Variants in MECOM observed in about 807,000 individuals in gnomAD.
MECOM encodes the protein histone-lysine N-methyltransferase MECOM.
A neutral mutation model predicts 116.3 loss-of-function variants in MECOM; 13 were observed. The ratio of observed to expected loss-of-function variants is 0.11; its 90% CI spans 0.07 to 0.18. MECOM has a LOEUF of 0.18. Ranked by LOEUF, MECOM falls within the 10% of genes least tolerant of loss-of-function variation. The probability of loss-of-function intolerance (pLI) is 1.00; values close to 1 mark genes in which losing one functional copy is unlikely to be tolerated. For missense variants in MECOM, 1,299 were observed against 1,509.0 expected (o/e 0.86, Z 2.31); for synonymous variants, 528 against 535.2 (o/e 0.99, Z 0.19).
chr3:169,649,409 C>CAAAAA (rs71634436), intron 1 of MECOM, among the ~76,000 whole-genome samples: 5,325 of 74,166 alleles, frequency 0.072, 338 homozygotes, highest in African/African-American at 0.1. Flanking sequence ...AACTCCATCT[C>CAAAAA]AAAAAAAAAA....
intron 1 of MECOM, among the ~76,000 whole-genome samples, chr3:169,561,778 T>C (rs1427232922): frequency 6.6e-6 from 1 of 152,184 alleles, no homozygotes; most frequent in African/African-American, 2.4e-5. Flanking sequence ...ACTGAATGCG[T>C]ATTTGCAGAT....
rs148922198 is a variant in MECOM, at chr3:169,604,221, ATCTC to A, written c.37+59111_37+59114del. Among the ~76,000 whole-genome samples the A allele has an allele frequency of 6.7e-3, 987 of 146,726 alleles. 9 individuals are homozygous for A. The highest frequency in any genetic ancestry group is 0.023 in the African/African-American group (915 of 40,118). On this transcript the variant is annotated intron_variant, in intron 1 of 16. Transcript: ENST00000651503. ...ATTTAAATATACAAAAGAGAGAGAA[ATCTC>A]TCTCTCTCTCTCTCTCCCTCCCTCC...
chr3:169,249,800 T>C (rs1257914528), intron 2 of MECOM, among the ~76,000 whole-genome samples: 1 of 152,148 alleles, frequency 6.6e-6, no homozygotes, highest in Non-Finnish European at 1.5e-5. Flanking sequence ...ATCCAAAAGG[T>C]GGCCCTCAGG....
intron 3 of MECOM, among the ~76,000 whole-genome samples, chr3:169,132,616 G>A (rs1209700622): frequency 6.6e-6 from 1 of 152,020 alleles, no homozygotes; most frequent in Non-Finnish European, 1.5e-5. Flanking sequence ...CAGTATCTTT[G>A]CAAAACCCTA....
chr3:169,189,940 A>C (rs1033965658), intron 2 of MECOM, among the ~76,000 whole-genome samples: 1 of 152,100 alleles, frequency 6.6e-6, no homozygotes, highest in East Asian at 1.9e-4. Context: ...GACTAAATGT[A>C]ATCCATCTCT....
intron 1 of MECOM, among the ~76,000 whole-genome samples, chr3:169,653,911 C>T (rs1354489291): frequency 1.3e-5 from 2 of 152,156 alleles, no homozygotes; most frequent in Non-Finnish European, 2.9e-5. Flanking sequence ...ACTCAGGAGT[C>T]ACCACATTCT....
At chr3:169,172,988 T>C (rs574521811) in intron 2 of MECOM, among the ~76,000 whole-genome samples, 1 of 152,302 alleles carries the variant, frequency 6.6e-6, no homozygotes, top group South Asian at 2.1e-4. Context: ...ATTATAATTA[T>C]TATATTTACA....
At chr3:169,103,382 A>G (rs897676688) in intron 10 of MECOM, among the ~76,000 whole-genome samples, 10 of 152,086 alleles carry the variant, frequency 6.6e-5, no homozygotes, top group African/African-American at 2.4e-4. Context: ...CTTATTACTG[A>G]ATTTTTAAGT....
At chr3:169,398,817 T>C (rs1364330982) in intron 1 of MECOM, among the ~76,000 whole-genome samples, 1 of 152,024 alleles carries the variant, frequency 6.6e-6, no homozygotes, top group East Asian at 1.9e-4. Context: ...CATCAGAAAG[T>C]CTTAGGTGCT....
At chr3:169,602,173 T>G (rs766817764) in intron 1 of MECOM, among the ~76,000 whole-genome samples, 42 of 152,304 alleles carry the variant, frequency 2.8e-4, no homozygotes, top group Non-Finnish European at 5.1e-4. Context: ...GTAAAAAAAC[T>G]TATGTATCTG....
chr3:169,096,940 T>C (rs1369373798), intron 12 of MECOM, among the ~76,000 whole-genome samples: 1 of 146,244 alleles, frequency 6.8e-6, no homozygotes, highest in Non-Finnish European at 1.5e-5. Context: ...CCCCACATTA[T>C]GGTAGTTGTA....
At position 169,523,427 on chromosome 3, in the gene MECOM, C is replaced by A. The variant is rs1757586157; in HGVS notation, c.37+139909G>T. Among the ~76,000 whole-genome samples, 3 of 91,394 alleles carry A rather than the reference C, an allele frequency of 3.3e-5. No individual in the cohort carries two copies. In the South Asian group the frequency reaches 9.4e-4, roughly 29 times the overall value. 60.0% of individuals were successfully genotyped at this position (91,394 alleles called of 152,430 possible). Reference sequence around the variant, plus strand: ...TATTCGCCATGAAAACTCACTACTGCAGGTAATTTTTTTTTTTTTTCCTAA... The same window carrying A: ...TATTCGCCATGAAAACTCACTACTGAAGGTAATTTTTTTTTTTTTTCCTAA... On this transcript the variant is annotated intron_variant, in intron 1 of 16. Coordinates refer to ENST00000651503, the MANE Select transcript of MECOM (RefSeq NM_004991.4).
At chr3:169,443,405 C>T (rs1291983113) in intron 1 of MECOM, among the ~76,000 whole-genome samples, 1 of 152,166 alleles carries the variant, frequency 6.6e-6, no homozygotes, top group African/African-American at 2.4e-5. Context: ...CCAATCTACC[C>T]CCAGACCTAT....
chr3:169,110,942 T>C (rs898836843), intron 9 of MECOM, among the ~76,000 whole-genome samples: 5 of 152,172 alleles, frequency 3.3e-5, no homozygotes, highest in Non-Finnish European at 7.4e-5. Context: ...TCTTTTGTGA[T>C]CCTTAATTAA....
intron 1 of MECOM, chr3:169,389,479 T>A (rs1733902627): frequency 1.3e-6 from 1 of 782,906 alleles, no homozygotes; most frequent in South Asian, 5.8e-5. Context: ...AGATAGATAG[T>A]TTTTCTTTTA....
chr3:169,243,234 C>G (rs1197633039), intron 2 of MECOM, among the ~76,000 whole-genome samples: 2 of 152,134 alleles, frequency 1.3e-5, no homozygotes, highest in Admixed American at 1.3e-4. Context: ...AAAGTACTCC[C>G]CCAAGTGTCA....
chr3:169,141,794 A>G (rs897237544), intron 3 of MECOM, among the ~76,000 whole-genome samples: 1 of 151,968 alleles, frequency 6.6e-6, no homozygotes, highest in African/African-American at 2.4e-5. Flanking sequence ...GGATGAATTT[A>G]CTTGAATTTC....
intron 1 of MECOM, among the ~76,000 whole-genome samples, chr3:169,431,039 C>T (rs1741532173): frequency 2.0e-5 from 3 of 152,180 alleles, no homozygotes; most frequent in African/African-American, 7.2e-5. Flanking sequence ...GTTTCAGTCA[C>T]TGTCTTTATA....
Position 169,425,793 on chromosome 3 carries a change from T to C in MECOM, c.38-44269A>G, listed in dbSNP as rs548490859. Among the ~76,000 whole-genome samples the C allele has an allele frequency of 1.2e-4, 19 of 152,118 alleles. No individual in the cohort carries two copies. The South Asian group carries it at 3.3e-3, about 27-fold the overall frequency. On this transcript the variant is annotated intron_variant, in intron 1 of 16. Coordinates refer to ENST00000651503, the MANE Select transcript of MECOM (RefSeq NM_004991.4). ...TCCAACAATAGAAGCTTTGAGAAAATAAACACAATGGAATTCAGTGCAGCC... is the reference window on the plus strand; with the variant it reads ...TCCAACAATAGAAGCTTTGAGAAAACAAACACAATGGAATTCAGTGCAGCC...
Sources: allele counts gnomAD v4.1 joint callset (sites outside exome capture counted in the v4.1 genomes callset), GRCh38; gene constraint gnomAD v4.1.1; transcripts MANE v1.5; gene names NCBI Gene and HGNC (gene_info 2026-07-23, HGNC 2026-07-21).